Variants in STX4 observed in about 807,000 individuals in gnomAD.
The protein encoded by STX4 is syntaxin 4.
In STX4, 24 loss-of-function variants were observed where a neutral mutation model predicts 41.8. That is an observed-to-expected ratio of 0.57 (90% confidence interval 0.42 to 0.81). The LOEUF (loss-of-function observed/expected upper bound fraction) is 0.81, where lower values mean the gene tolerates loss of function less well. Ranked by LOEUF, STX4 falls within the 30% of genes least tolerant of loss-of-function variation. The pLI, the probability that STX4 is intolerant of heterozygous loss-of-function variation, is 0.00. For missense variants in STX4, 316 were observed against 389.9 expected, an observed-to-expected ratio of 0.81 and a Z score of 1.60; for synonymous variants, 158 against 156.4, an observed-to-expected ratio of 1.01 and a Z score of -0.08.
rs766608613 is a variant in STX4, at chr16:31,037,710, TAAAA to T, written c.379-213_379-210del. Among the ~76,000 whole-genome samples, 167 of 150,792 alleles carry T rather than the reference TAAAA, an allele frequency of 1.1e-3. 2 individuals are homozygous for T. The highest frequency in any genetic ancestry group is 2.0e-3 in the East Asian group (10 of 5,100). ...ATAAATAAATAAATAAATAAATAAA[TAAAA>T]AAGATCATGGAGGACCACATAGGCC... On this transcript the variant is annotated intron_variant, in intron 5 of 10. Coordinates refer to ENST00000313843, the MANE Select transcript of STX4 (RefSeq NM_004604.5).
At chr16:31,038,691 C>G in intron 8 of STX4, 44 bp downstream of exon 8, 1 of 1,604,796 alleles carries the variant, frequency 6.2e-7, no homozygotes, top group Non-Finnish European at 8.5e-7. Flanking sequence ...AGGCTCAGTC[C>G]AAACTGCCAG....
rs1243231000 is a variant in STX4 at position 31,040,150 on chromosome 16, C to T, written c.*254C>T. On this transcript the variant is annotated 3_prime_UTR_variant, in exon 11 of 11. Transcript: ENST00000313843. Reference sequence around the variant, plus strand: ...CACGGTTTTGTAAAAAATTAAAAAACAAAAAAAGAGCATAGAAAGCCCTGT... The same window carrying T: ...CACGGTTTTGTAAAAAATTAAAAAATAAAAAAAGAGCATAGAAAGCCCTGT... The T allele has an allele frequency of 7.3e-6, 2 of 275,464 alleles. No individual in the cohort carries two copies. Among genetic ancestry groups the T allele is most frequent in the South Asian group, 5.6e-5 (1 of 17,836 alleles). The allele number at this position is 275,464 out of a possible 1,614,324, so 17.1% of individuals were successfully genotyped here.
chr16:31,038,364 C>T (rs1206783971), intron 7 of STX4, 146 bp from the exon 8 acceptor site: 4 of 1,334,152 alleles, frequency 3.0e-6, no homozygotes, highest in African/African-American at 1.5e-5. Flanking sequence ...ATTAAGGGCA[C>T]CCTGAGGCCT....
At position 31,034,004 on chromosome 16, in the gene STX4, G is replaced by A; in HGVS notation, c.31-9G>A. 1 of 1,582,752 alleles carries A rather than the reference G, an allele frequency of 6.3e-7. No homozygotes were observed. Among genetic ancestry groups the A allele is most frequent in the Admixed American group, 1.8e-5 (1 of 56,094 alleles). On this transcript the variant is annotated splice_polypyrimidine_tract_variant and intron_variant, in intron 1 of 10. Coordinates refer to ENST00000313843, the MANE Select transcript of STX4 (RefSeq NM_004604.5). ...GAAACGGTGGTGCCAATGACTCCGG[G>A]CCTGGCAGGGGGATGACAGCTCGGA...
At chr16:31,034,829 G>A in intron 4 of STX4, 141 bp from the exon 5 acceptor site, 1 of 825,762 alleles carries the variant, frequency 1.2e-6, no homozygotes. Flanking sequence ...ATACCTATGG[G>A]AACTCAGTGA....
rs771950436 is a variant in STX4 at position 31,039,585 on chromosome 16, G to A, written c.747G>A (p.Ala249=). The A allele has an allele frequency of 1.1e-5, 17 of 1,614,022 alleles. No homozygotes were observed. The highest frequency in any genetic ancestry group is 5.3e-5 in the African/African-American group (4 of 74,920). The change falls in exon 9 of 11, where the codon GCG becomes GCA. Residue 249 remains alanine, a synonymous_variant. Transcript: ENST00000313843. The surrounding 1 kb of genome is among the most constrained non-coding windows in gnomAD (Gnocchi z 4.1). The part of the protein sequence containing the change: ...NRIEKNILSS[A]DYVERGQEHV... Reference sequence around the variant, plus strand: ...TTGAGAAGAACATCCTGAGCTCAGCGGACTACGTGGAACGTGGGCAGGAGC... The same window carrying A: ...TTGAGAAGAACATCCTGAGCTCAGCAGACTACGTGGAACGTGGGCAGGAGC...
Position 31,033,972 on chromosome 16 carries a change from C to A in STX4, c.31-41C>A. ...GCCTGTGGGTCCTGCGGGGTAAGAG[C>A]CGCAGCGAAACGGTGGTGCCAATGA... On this transcript the variant is annotated intron_variant, in intron 1 of 10. Transcript: ENST00000313843. The surrounding 1 kb of genome is among the most constrained non-coding windows in gnomAD (Gnocchi z 5.5). 6.6e-7 allele frequency: 1 copy of A among 1,524,354 alleles called. No individual in the cohort carries two copies. The highest frequency in any genetic ancestry group is 8.8e-7 in the Non-Finnish European group (1 of 1,132,596). 94.4% of individuals were successfully genotyped at this position (1,524,354 alleles called of 1,614,324 possible).
At chr16:31,037,033 C>A (rs1424245992) in intron 5 of STX4, among the ~76,000 whole-genome samples, 2 of 146,242 alleles carry the variant, frequency 1.4e-5, no homozygotes, top group Non-Finnish European at 3.0e-5. Context: ...AGTTTGAGAC[C>A]AGCCTGGGCA....
upstream of STX4, chr16:31,033,534 C>G: frequency 6.5e-7 from 1 of 1,549,488 alleles, no homozygotes; most frequent in Non-Finnish European, 8.7e-7. The surrounding 1 kb of genome is among the most constrained non-coding windows in gnomAD (Gnocchi z 5.5). Context: ...TGCGCATGCC[C>G]CGAATTTATC....
In STX4 at chr16:31,038,472, C is replaced by G. The variant is rs776063715; in HGVS notation, c.565-38C>G. 20 of 1,612,488 alleles carry G rather than the reference C, an allele frequency of 1.2e-5. No individual in the cohort carries two copies. The East Asian group carries it at 4.5e-4, about 36-fold the overall frequency. On this transcript the variant is annotated intron_variant, in intron 7 of 10. Transcript: ENST00000313843. ...GGAGTTTCTGACCTGCTGTCGGTCTCCCTGTGAACAGTTGCCCCACTCCTG... is the reference window on the plus strand; with the variant it reads ...GGAGTTTCTGACCTGCTGTCGGTCTGCCTGTGAACAGTTGCCCCACTCCTG...
At position 31,039,149 on chromosome 16, in the gene STX4, C is replaced by T. The variant is rs1368162114; in HGVS notation, c.703-392C>T. On this transcript the variant is annotated intron_variant, in intron 8 of 10. Coordinates refer to ENST00000313843, the MANE Select transcript of STX4 (RefSeq NM_004604.5). The surrounding 1 kb of genome is among the most constrained non-coding windows in gnomAD (Gnocchi z 4.1). Reference sequence around the variant, plus strand: ...AAAGAGATCTCATTCAGTAGGAGTACTGAGACCTGAGGCTGGTGGTGCCAG... The same window carrying T: ...AAAGAGATCTCATTCAGTAGGAGTATTGAGACCTGAGGCTGGTGGTGCCAG... 7.7e-6 allele frequency: 2 copies of T among 259,110 alleles called. No individual in the cohort carries two copies. The highest frequency in any genetic ancestry group is 1.0e-4 in the Admixed American group (2 of 20,034). 16.1% of individuals were successfully genotyped at this position (259,110 alleles called of 1,614,324 possible).
At position 31,039,621 on chromosome 16, in the gene STX4, G is replaced by A. The variant is rs781515100; in HGVS notation, c.783G>A (p.Thr261=). ...AACGTGGGCAGGAGCACGTCAAGAC[G>A]GCCCTGGAGAACCAGAAGAAGGCGA... ...YVERGQEHVK[T]ALENQKKARK... The change falls in exon 9 of 11, where the codon ACG becomes ACA. Residue 261 remains threonine (T), a synonymous_variant. Transcript: ENST00000313843. This position sits in a 1 kb window ranked among gnomAD's most constrained non-coding sequence, Gnocchi z 4.1. 52 of 1,614,044 alleles carry A rather than the reference G, an allele frequency of 3.2e-5. No individual in the cohort carries two copies. The highest frequency in any genetic ancestry group is 4.2e-5 in the Non-Finnish European group (49 of 1,180,022).
At chr16:31,037,892 CCAGGGGCACT>C in intron 5 of STX4, 24 bp from the exon 6 acceptor site, 1 of 1,612,254 alleles carries the variant, frequency 6.2e-7, no homozygotes, top group South Asian at 1.1e-5. Context: ...AGGGATCCTC[CCAGGGGCACT>C]CAGCCTATAT....
At chr16:31,036,494 C>CA (rs2056800429) in intron 5 of STX4, among the ~76,000 whole-genome samples, 1 of 152,114 alleles carries the variant, frequency 6.6e-6, no homozygotes. Flanking sequence ...ATTCAGCAAG[C>CA]ATTCAGCAGT....
intron 3 of STX4, 58 bp from the exon 4 acceptor site, chr16:31,034,404 A>T: frequency 1.2e-6 from 2 of 1,606,110 alleles, no homozygotes; most frequent in Non-Finnish European, 1.7e-6. Flanking sequence ...GGTGGTGGCC[A>T]GAGTGGTTTG....
intron 5 of STX4, 95 bp from the exon 6 acceptor site, chr16:31,037,831 C>T: frequency 8.1e-7 from 1 of 1,232,880 alleles, no homozygotes; most frequent in South Asian, 1.3e-5. Flanking sequence ...CGCATAAGAG[C>T]TCATGCTATT....
Position 31,037,920 on chromosome 16 carries a change from C to A in STX4, c.379-6C>A. 1 of 1,613,968 alleles carries A rather than the reference C, an allele frequency of 6.2e-7. No homozygotes were observed. Among genetic ancestry groups the A allele is most frequent in the South Asian group, 1.1e-5 (1 of 91,062 alleles). On this transcript the variant is annotated splice_region_variant and splice_polypyrimidine_tract_variant and intron_variant, in intron 5 of 10. Transcript: ENST00000313843. Reference sequence around the variant, plus strand: ...GGGGCACTCAGCCTATATTCTTCATCTTTAGCATGGGGTCCTGTCCCAGCA... The same window carrying A: ...GGGGCACTCAGCCTATATTCTTCATATTTAGCATGGGGTCCTGTCCCAGCA...
chr16:31,039,186 G>A lies in STX4; in HGVS notation c.703-355G>A. 1 of 277,908 alleles carries A rather than the reference G, an allele frequency of 3.6e-6. No homozygotes were observed. The highest frequency in any genetic ancestry group is 7.0e-6 in the Non-Finnish European group (1 of 143,846). 17.2% of individuals were successfully genotyped at this position (277,908 alleles called of 1,614,324 possible). A position where few individuals can be genotyped will look rare whatever the true frequency, so the allele number is the denominator to read the frequency against. On this transcript the variant is annotated intron_variant, in intron 8 of 10. Transcript: ENST00000313843. This position sits in a 1 kb window ranked among gnomAD's most constrained non-coding sequence, Gnocchi z 4.1. ...GCTGGTGGTGCCAGGAGGAGGCAGG[G>A]ATAGGGAGGGCTTTGCAGCAGCTGT...
intron 5 of STX4, 46 bp from the exon 6 acceptor site, chr16:31,037,880 G>C (rs759240056): frequency 6.2e-7 from 1 of 1,607,220 alleles, no homozygotes; most frequent in Non-Finnish European, 8.5e-7. Context: ...CACCGACCGG[G>C]CAGGGATCCT....
Sources: gnomAD v4.1 joint callset for allele counts (sites outside exome capture counted in the v4.1 genomes callset) on GRCh38, gnomAD v4.1.1 for gene constraint, Gnocchi (gnomAD v3.1) non-coding constraint, MANE v1.5 for transcripts, NCBI Gene and HGNC (gene_info 2026-07-23, HGNC 2026-07-21) for gene names.